Variants in RAB3GAP1 observed in about 807,000 individuals in gnomAD.
The protein encoded by RAB3GAP1 is RAB3 GTPase activating protein catalytic subunit 1, also known as rab3 GTPase-activating protein catalytic subunit.
RAB3GAP1 carries 86 observed loss-of-function variants against 130.7 expected under a neutral mutation model. That is an observed-to-expected ratio of 0.66 (90% CI 0.55 to 0.79). RAB3GAP1 has a LOEUF of 0.79. Among genes scored for constraint, RAB3GAP1 ranks in the 30% least tolerant of loss-of-function variants. The probability of loss-of-function intolerance (pLI) is 0.00; values close to 1 mark genes in which losing one functional copy is unlikely to be tolerated. For synonymous variants in RAB3GAP1, 367 were observed against 401.7 expected, an observed-to-expected ratio of 0.91 and a Z score of 1.03; for missense variants, 1,029 against 1,169.4, an observed-to-expected ratio of 0.88 and a Z score of 1.75.
At position 135,153,721 on chromosome 2, in the gene RAB3GAP1, G is replaced by T; in HGVS notation, c.2134G>T (p.Val712Leu). ...YSPRDYIEEE[V>L]IDEKGNVVLK... ...ACCCCGGGATTATATTGAAGAGGAGGTGATTGATGAAAAGGGCAATGTGGT... is the reference window on the plus strand; with the variant it reads ...ACCCCGGGATTATATTGAAGAGGAGTTGATTGATGAAAAGGGCAATGTGGT... Residue 712 changes from valine (V) to leucine (L), a missense_variant, in exon 19 of 24, where the codon GTG (valine) becomes TTG (leucine). Val to Leu is a conservative substitution (Grantham distance 32, BLOSUM62 1). Coordinates refer to ENST00000264158, the MANE Select transcript of RAB3GAP1 (RefSeq NM_012233.3). 1.9e-6 allele frequency: 3 copies of T among 1,613,824 alleles called. No homozygotes were observed. The highest frequency in any genetic ancestry group is 2.5e-6 in the Non-Finnish European group (3 of 1,179,786).
chr2:135,131,576 A>G (rs1283731264), intron 13 of RAB3GAP1, among the ~76,000 whole-genome samples: 1 of 152,160 alleles, frequency 6.6e-6, no homozygotes, highest in Non-Finnish European at 1.5e-5. Context: ...GTTGAGAGAA[A>G]GCTTTTAGTG....
chr2:135,055,678 C>CAA (rs1209770688), intron 2 of RAB3GAP1, among the ~76,000 whole-genome samples: 17 of 65,742 alleles, frequency 2.6e-4, no homozygotes, highest in African/African-American at 5.3e-4. Flanking sequence ...GACCCTGTCT[C>CAA]AAAAAAAAAA....
At chr2:135,052,615 C>A in intron 2 of RAB3GAP1, 130 bp downstream of exon 2, 1 of 1,069,544 alleles carries the variant, frequency 9.3e-7, no homozygotes, top group Non-Finnish European at 1.4e-6. Flanking sequence ...TCCCGGGTCT[C>A]CTCCCCCAGT....
downstream of RAB3GAP1, among the ~76,000 whole-genome samples, chr2:135,171,113 G>A (rs1383692983): frequency 2.6e-5 from 4 of 151,830 alleles, no homozygotes; most frequent in East Asian, 3.9e-4. Flanking sequence ...GCAGAGGAAC[G>A]GAATGGGCAA....
chr2:135,115,379 A>G lies in RAB3GAP1; in HGVS notation c.646A>G (p.Ile216Val). Residue 216 changes from isoleucine (I) to valine (V), a missense_variant and splice_region_variant, in exon 7 of 24, where the codon ATT becomes GTT. Ile to Val is a conservative substitution (Grantham distance 29, BLOSUM62 3). This residue lies in a region of RAB3GAP1 where 510 missense variants were observed against 532.1 expected (regional missense o/e 0.96). Transcript: ENST00000264158. ...SGLLDIFKSK[I>V]GCPLTPLPPV... ...TCTGCTGGATATCTTCAAATCAAAGATTGTGAGTTGGGATTGATATTGTCA... is the reference window on the plus strand; with the variant it reads ...TCTGCTGGATATCTTCAAATCAAAGGTTGTGAGTTGGGATTGATATTGTCA... 6.2e-7 allele frequency: 1 copy of G among 1,609,124 alleles called. No individual in the cohort carries two copies. The highest frequency in any genetic ancestry group is 2.2e-5 in the East Asian group (1 of 44,700).
rs201303667 is a variant in RAB3GAP1 at position 135,134,053 on chromosome 2, A to G, written c.1499+20A>G. ...TCCAGGGTAATAATTTCAATTTTCA[A>G]TTGTTTGGATACGATTTTGTTTGTT... On this transcript the variant is annotated intron_variant, in intron 15 of 23. Transcript: ENST00000264158. 134 of 1,612,792 alleles carry G rather than the reference A, an allele frequency of 8.3e-5. No homozygotes were observed. The highest frequency in any genetic ancestry group is 1.1e-4 in the Non-Finnish European group (131 of 1,179,184).
chr2:135,128,637 C>T (rs968985559), intron 11 of RAB3GAP1, among the ~76,000 whole-genome samples: 3 of 152,038 alleles, frequency 2.0e-5, no homozygotes, highest in African/African-American at 7.3e-5. Flanking sequence ...ATGATCTTAC[C>T]CTACCTCTTT....
intron 19 of RAB3GAP1, 100 bp from the exon 20 acceptor site, chr2:135,162,455 A>G (rs1362472679): frequency 2.3e-6 from 2 of 888,590 alleles, no homozygotes; most frequent in Non-Finnish European, 3.7e-6. Flanking sequence ...CTGTCTTGTT[A>G]AGGATTAAGA....
At chr2:135,132,030 T>C (rs920587666) in intron 13 of RAB3GAP1, among the ~76,000 whole-genome samples, 1 of 152,232 alleles carries the variant, frequency 6.6e-6, no homozygotes, top group Non-Finnish European at 1.5e-5. Context: ...GTAGTGATAC[T>C]TAGCTCAAAC....
At chr2:135,109,109 T>G (rs913971597) in intron 5 of RAB3GAP1, among the ~76,000 whole-genome samples, 2 of 152,070 alleles carry the variant, frequency 1.3e-5, no homozygotes, top group African/African-American at 4.8e-5. Flanking sequence ...TTGATAGTGT[T>G]AGTTCTCCAA....
At chr2:135,175,558 T>A, downstream of RAB3GAP1, 1 of 152,230 alleles carries the variant, frequency 6.6e-6, no homozygotes, top group Admixed American at 6.5e-5. Flanking sequence ...CCAAATTGTA[T>A]ATGCTCTTAG....
chr2:135,113,972 A>T (rs1690895518), intron 6 of RAB3GAP1, among the ~76,000 whole-genome samples: 1 of 151,288 alleles, frequency 6.6e-6, no homozygotes, highest in Non-Finnish European at 1.5e-5. Flanking sequence ...CTGGTCTTGA[A>T]CTCCTGACCT....
At chr2:135,130,141 G>A in intron 12 of RAB3GAP1, 54 bp downstream of exon 12, 4 of 1,410,828 alleles carry the variant, frequency 2.8e-6, no homozygotes, top group Non-Finnish European at 4.0e-6. Context: ...GTTTTTCCTT[G>A]GCACATTTTT....
intron 11 of RAB3GAP1, among the ~76,000 whole-genome samples, chr2:135,127,353 G>A (rs1251065829): frequency 1.3e-5 from 2 of 150,730 alleles, no homozygotes; most frequent in African/African-American, 4.9e-5. Context: ...TTGTTTGTTT[G>A]TTTGTTTTGA....
chr2:135,065,803 ACT>A (rs1342728963), intron 3 of RAB3GAP1, among the ~76,000 whole-genome samples: 1 of 129,044 alleles, frequency 7.7e-6, no homozygotes, highest in East Asian at 2.2e-4. Context: ...ACGGAGTCTC[ACT>A]CTGTCACCAG....
chr2:135,126,687 ACTG>A, intron 11 of RAB3GAP1, 31 bp downstream of exon 11: 1 of 1,543,308 alleles, frequency 6.5e-7, no homozygotes, highest in Non-Finnish European at 9.0e-7. Context: ...TTCCTGAAAT[ACTG>A]CTGATCTGCC....
At chr2:135,056,072 A>G (rs1423806760) in intron 2 of RAB3GAP1, among the ~76,000 whole-genome samples, 2 of 151,168 alleles carry the variant, frequency 1.3e-5, no homozygotes, top group Admixed American at 6.6e-5. Flanking sequence ...TCCTGACCTC[A>G]TGATCCGCCC....
chr2:135,115,176 A>T (rs1574123667), intron 6 of RAB3GAP1, 40 bp from the exon 7 acceptor site: 1 of 1,562,278 alleles, frequency 6.4e-7, no homozygotes, highest in Non-Finnish European at 8.8e-7. Flanking sequence ...TTAATGTTTA[A>T]TGAGCTTGTA....
intron 19 of RAB3GAP1, among the ~76,000 whole-genome samples, chr2:135,160,198 A>G (rs1202038058): frequency 2.0e-5 from 3 of 152,350 alleles, no homozygotes; most frequent in Admixed American, 6.5e-5. Flanking sequence ...TGAATACAGT[A>G]TGGAATTTTA....
Sources: allele counts gnomAD v4.1 joint callset (sites outside exome capture counted in the v4.1 genomes callset), GRCh38; gene constraint gnomAD v4.1.1; regional missense constraint gnomAD v4.1.1; transcripts MANE v1.5; gene names NCBI Gene and HGNC (gene_info 2026-07-23, HGNC 2026-07-21).